MEIS1: variants seen among roughly 807,000 people sequenced by gnomAD.
The protein encoded by MEIS1 is homeobox protein Meis1.
A neutral mutation model predicts 50.8 loss-of-function variants in MEIS1; 5 were observed. The ratio of observed to expected loss-of-function variants is 0.10; its 90% confidence interval spans 0.05 to 0.21. MEIS1 has a LOEUF of 0.21. MEIS1 is among the 10% of genes least tolerant of loss of function. The pLI is 1.00. For missense variants in MEIS1, 318 were observed against 517.3 expected, an observed-to-expected ratio of 0.61 and a Z score of 3.74; for synonymous variants, 176 against 179.3, an observed-to-expected ratio of 0.98 and a Z score of 0.15.
chr2:66,435,558 C>G lies in MEIS1; in HGVS notation c.-299C>G. 5.2e-5 allele frequency: 16 copies of G among 307,758 alleles called. No homozygotes were observed. The highest frequency in any genetic ancestry group is 8.8e-4 in the Middle Eastern group (1 of 1,130). 19.1% of individuals were successfully genotyped at this position (307,758 alleles called of 1,614,324 possible). On this transcript the variant is annotated 5_prime_UTR_variant, in exon 1 of 13. Transcript: ENST00000272369. ...TTTTTTTCCTTTTCTTTCTTTCTTT[C>G]TTTTTTTTTTTTTAAACTGATTTTT...
intron 7 of MEIS1, among the ~76,000 whole-genome samples, chr2:66,503,835 C>T (rs1673621861): frequency 6.7e-6 from 1 of 150,276 alleles, no homozygotes; most frequent in African/African-American, 2.5e-5. Flanking sequence ...AGCTCTGCCT[C>T]CCGGGTTCGC....
chr2:66,536,985 T>C (rs773887205), intron 8 of MEIS1, among the ~76,000 whole-genome samples: 8 of 152,244 alleles, frequency 5.3e-5, no homozygotes, highest in Non-Finnish European at 8.8e-5. Flanking sequence ...TTATTTGTCA[T>C]CTTTATGGCT....
chr2:66,569,279 A>G, intron 12 of MEIS1, 134 bp downstream of exon 12: 1 of 721,514 alleles, frequency 1.4e-6, no homozygotes, highest in Non-Finnish European at 2.2e-6. Context: ...TCTTGCTTCC[A>G]TCATTTTCTT....
At chr2:66,494,343 CT>C (rs1462251907) in intron 7 of MEIS1, among the ~76,000 whole-genome samples, 4 of 152,164 alleles carry the variant, frequency 2.6e-5, no homozygotes, top group Non-Finnish European at 4.4e-5. Flanking sequence ...AGACACTTAA[CT>C]TTTTTTCTGT....
At position 66,564,848 on chromosome 2, in the gene MEIS1, A is replaced by T. The variant is rs1340645305; in HGVS notation, c.966-2605A>T. On this transcript the variant is annotated intron_variant, in intron 9 of 12. Coordinates refer to ENST00000272369, the MANE Select transcript of MEIS1 (RefSeq NM_002398.3). ...TTAACTCGTCATTTACATTAGGTAT[A>T]TCTCCTAATGCTATCCCTTCCCCCT... Among the ~76,000 whole-genome samples the T allele has an allele frequency of 2.0e-5, 3 of 151,758 alleles. No individual in the cohort carries two copies. The East Asian group carries it at 5.9e-4, about 30-fold the overall frequency.
At chr2:66,522,835 G>T (rs1019563098) in intron 8 of MEIS1, among the ~76,000 whole-genome samples, 1 of 152,124 alleles carries the variant, frequency 6.6e-6, no homozygotes, top group Admixed American at 6.5e-5. Context: ...TTTAGTGACC[G>T]CATAGGAAGT....
chr2:66,441,487 C>T, intron 5 of MEIS1, 23 bp downstream of exon 5: 2 of 1,526,926 alleles, frequency 1.3e-6, no homozygotes, highest in Non-Finnish European at 1.8e-6. Flanking sequence ...GCCTCTTTTC[C>T]TTTTACTTAC....
At chr2:66,501,416 C>G (rs1673552182) in intron 7 of MEIS1, among the ~76,000 whole-genome samples, 1 of 151,600 alleles carries the variant, frequency 6.6e-6, no homozygotes, top group Non-Finnish European at 1.5e-5. Flanking sequence ...AAAAGTTATG[C>G]TGTTTTTGCA....
chr2:66,530,035 T>A (rs957215125), intron 8 of MEIS1, among the ~76,000 whole-genome samples: 4 of 151,914 alleles, frequency 2.6e-5, no homozygotes, highest in Admixed American at 2.0e-4. Flanking sequence ...AAGGAAGAAG[T>A]CAGAGAAATT....
chr2:66,436,888 T>TC (rs34448122), intron 1 of MEIS1: 29 of 984,610 alleles, frequency 2.9e-5, no homozygotes, highest in Non-Finnish European at 3.5e-5. Flanking sequence ...TTTTTTTTTT[T>TC]CTGGAAGAGG....
At chr2:66,478,730 A>C (rs76211364) in intron 7 of MEIS1, among the ~76,000 whole-genome samples, 2,598 of 152,336 alleles carry the variant, frequency 0.017, 72 homozygotes, top group African/African-American at 0.059. Flanking sequence ...ACACACGCAC[A>C]CATAACCGTA....
At chr2:66,502,819 A>T (rs543491491) in intron 7 of MEIS1, among the ~76,000 whole-genome samples, 1 of 152,206 alleles carries the variant, frequency 6.6e-6, no homozygotes, top group Non-Finnish European at 1.5e-5. Flanking sequence ...GCACAGGAAT[A>T]TGAGAAGAAA....
At chr2:66,499,562 GA>G (rs2103825913) in intron 7 of MEIS1, among the ~76,000 whole-genome samples, 1 of 152,162 alleles carries the variant, frequency 6.6e-6, no homozygotes, top group Non-Finnish European at 1.5e-5. Context: ...TGCCTTGAGA[GA>G]AGATTCCCAG....
At chr2:66,484,741 G>A (rs1168164942) in intron 7 of MEIS1, among the ~76,000 whole-genome samples, 5 of 151,860 alleles carry the variant, frequency 3.3e-5, no homozygotes, top group African/African-American at 1.2e-4. Context: ...TTTATTTTTG[G>A]TAGAGACAAG....
chr2:66,463,981 AG>A, intron 6 of MEIS1, 127 bp from the exon 7 acceptor site: 2 of 659,040 alleles, frequency 3.0e-6, no homozygotes, highest in Admixed American at 2.5e-5. Context: ...CCATGGTTGA[AG>A]GGGGATGGGA....
intron 7 of MEIS1, among the ~76,000 whole-genome samples, chr2:66,472,870 T>C (rs1672795455): frequency 6.6e-6 from 1 of 152,196 alleles, no homozygotes; most frequent in African/African-American, 2.4e-5. Context: ...TTCACCGCCA[T>C]TAGTCACCTG....
intron 7 of MEIS1, among the ~76,000 whole-genome samples, chr2:66,509,787 G>A (rs1353017532): frequency 6.6e-6 from 1 of 152,196 alleles, no homozygotes; most frequent in Admixed American, 6.5e-5. Flanking sequence ...TCTTTTGCCT[G>A]AGGTAATGGG....
At chr2:66,567,737 T>G (rs898134540) in intron 10 of MEIS1, 10 of 650,444 alleles carry the variant, frequency 1.5e-5, no homozygotes, top group Admixed American at 2.5e-5. Flanking sequence ...AAGTAACTCT[T>G]AAATAATATG....
intron 9 of MEIS1, among the ~76,000 whole-genome samples, chr2:66,563,568 T>G (rs1349623918): frequency 6.6e-6 from 1 of 152,156 alleles, no homozygotes; most frequent in African/African-American, 2.4e-5. Flanking sequence ...TTTAGAGAAT[T>G]CTTGATAATT....
Sources: gnomAD v4.1 joint callset for allele counts (sites outside exome capture counted in the v4.1 genomes callset) on GRCh38, gnomAD v4.1.1 for gene constraint, MANE v1.5 for transcripts, NCBI Gene and HGNC (gene_info 2026-07-23, HGNC 2026-07-21) for gene names.